Variants in ERC1 observed in about 807,000 individuals in gnomAD.
The protein encoded by ERC1 is RAB6 interacting protein 2.
Under a neutral mutation model 132.0 loss-of-function variants are expected in ERC1, and 56 were observed. The ratio of observed to expected loss-of-function variants is 0.42; its 90% CI spans 0.34 to 0.53. ERC1 has a LOEUF of 0.53. Ranked by LOEUF, ERC1 falls within the 20% of genes least tolerant of loss-of-function variation. The probability of loss-of-function intolerance (pLI) is 0.03; values close to 1 mark genes in which losing one functional copy is unlikely to be tolerated. For synonymous variants in ERC1, 478 were observed against 476.1 expected, an observed-to-expected ratio of 1.00 and a Z score of -0.05; for missense variants, 1,202 against 1,349.9, an observed-to-expected ratio of 0.89 and a Z score of 1.72.
At chr12:1,001,011 C>G (rs1408017411) in intron 1 of ERC1, among the ~76,000 whole-genome samples, 1 of 152,114 alleles carries the variant, frequency 6.6e-6, no homozygotes, top group Non-Finnish European at 1.5e-5. Context: ...TCAAGCGATT[C>G]TCCTGCCTCA....
intron 2 of ERC1, among the ~76,000 whole-genome samples, chr12:1,043,810 T>C (rs1970660028): frequency 6.8e-6 from 1 of 147,326 alleles, no homozygotes; most frequent in South Asian, 2.2e-4. Flanking sequence ...TTTGCCATTT[T>C]GGAAAAGCAC....
intron 8 of ERC1, among the ~76,000 whole-genome samples, chr12:1,148,960 C>T (rs1461575752): frequency 6.6e-6 from 1 of 152,126 alleles, no homozygotes; most frequent in Non-Finnish European, 1.5e-5. Context: ...TTAGATCCTT[C>T]CCATTCTGTG....
At chr12:1,167,067 A>G (rs1055991064) in intron 8 of ERC1, among the ~76,000 whole-genome samples, 1 of 152,132 alleles carries the variant, frequency 6.6e-6, no homozygotes, top group African/African-American at 2.4e-5. Flanking sequence ...AGAGTCTTGC[A>G]AGTTCTAGTT....
intron 8 of ERC1, among the ~76,000 whole-genome samples, chr12:1,148,731 A>G (rs1331461470): frequency 6.6e-6 from 1 of 152,120 alleles, no homozygotes; most frequent in Non-Finnish European, 1.5e-5. Flanking sequence ...CCTCCTGAGC[A>G]GCTGGGATTA....
intron 8 of ERC1, among the ~76,000 whole-genome samples, chr12:1,146,308 G>GTTTTTTTTTTTTTTTTTTTTTTTTT (rs1172108036): frequency 3.1e-5 from 1 of 31,812 alleles, no homozygotes; most frequent in African/African-American, 1.2e-4. Context: ...TATTTTACTG[G>GTTTTTTTTTTTTTTTTTTTTTTTTT]TTTTTTTTTT....
chr12:1,438,972 A>ATATATATAT (rs1246217572), intron 17 of ERC1, among the ~76,000 whole-genome samples: 100 of 143,988 alleles, frequency 6.9e-4, no homozygotes, highest in Non-Finnish European at 1.0e-3. Context: ...TATATATATA[A>ATATATATAT]AAAATGACAT....
chr12:1,389,877 G>T (rs1472429582), intron 16 of ERC1, among the ~76,000 whole-genome samples: 1 of 152,120 alleles, frequency 6.6e-6, no homozygotes. Context: ...TTTGCATTCA[G>T]TCTCTAAGCA....
intron 1 of ERC1, among the ~76,000 whole-genome samples, chr12:1,010,880 C>T (rs1035029624): frequency 1.3e-5 from 2 of 152,040 alleles, no homozygotes; most frequent in Admixed American, 6.6e-5. Context: ...TGTGCCATTC[C>T]ACCCGTTTCT....
chr12:1,475,512 C>A (rs188451601), intron 18 of ERC1, among the ~76,000 whole-genome samples: 1 of 151,930 alleles, frequency 6.6e-6, no homozygotes, highest in Non-Finnish European at 1.5e-5. Context: ...GGGGCTCAAC[C>A]GTGAAGGATA....
intron 18 of ERC1, among the ~76,000 whole-genome samples, chr12:1,466,652 G>A (rs965425725): frequency 9.9e-5 from 15 of 152,156 alleles, no homozygotes; most frequent in African/African-American, 3.1e-4. Context: ...AGGTCCTGGC[G>A]AATCTGTTAT....
rs899612575 is a variant in ERC1, at chr12:1,071,080, A to G, written c.670-12084A>G. The stretch of plus-strand genomic sequence containing the variant: ...CACTCCATTGTGTGAATGTGGTACT[A>G]TCAGTTTATCCAATCTTCTGTTGAT... On this transcript the variant is annotated intron_variant, in intron 2 of 18. Transcript: ENST00000360905. Among the ~76,000 whole-genome samples the G allele has an allele frequency of 9.2e-5, 14 of 152,186 alleles. 1 individual carries two copies. The highest frequency in any genetic ancestry group is 8.5e-4 in the Admixed American group (13 of 15,278).
At chr12:1,300,982 A>G (rs952073025) in intron 15 of ERC1, among the ~76,000 whole-genome samples, 1 of 152,162 alleles carries the variant, frequency 6.6e-6, no homozygotes, top group Non-Finnish European at 1.5e-5. Flanking sequence ...GTTCTATCAT[A>G]TATACATCAT....
Position 1,186,217 on chromosome 12 carries a change from T to C in ERC1, c.2157+2796T>C, listed in dbSNP as rs76846275. On this transcript the variant is annotated intron_variant, in intron 11 of 18. Coordinates refer to ENST00000360905, the MANE Select transcript of ERC1 (RefSeq NM_178040.4). ...CCATTTTAAGGGACTAAATATGTTT[T>C]GTTGCTTATTGAATAAGGAAAAAAA... Among the ~76,000 whole-genome samples the C allele has an allele frequency of 3.1e-3, 473 of 152,366 alleles. 5 individuals are homozygous for C. Among genetic ancestry groups the C allele is most frequent in the African/African-American group, 0.011 (452 of 41,590 alleles).
chr12:1,394,030 AAAAC>A (rs1171269696), intron 16 of ERC1, among the ~76,000 whole-genome samples: 19 of 119,722 alleles, frequency 1.6e-4, no homozygotes, highest in Non-Finnish European at 2.8e-4. Context: ...AAAAAAAAAA[AAAAC>A]AAAAAAAAAA....
intron 8 of ERC1, among the ~76,000 whole-genome samples, chr12:1,156,007 A>G (rs1314278581): frequency 6.6e-6 from 1 of 152,104 alleles, no homozygotes; most frequent in Admixed American, 6.5e-5. Context: ...GCCGTTTCAT[A>G]AAGTTTCTAT....
chr12:1,263,015 G>C lies in ERC1; in HGVS notation c.2488-19G>C. On this transcript the variant is annotated intron_variant, in intron 13 of 18. Coordinates refer to ENST00000360905, the MANE Select transcript of ERC1 (RefSeq NM_178040.4). ...TTAAGTAATTAATCCACTTCACCTAGTCTTCCATCATTTTCTAGGACAGTC... is the reference window on the plus strand; with the variant it reads ...TTAAGTAATTAATCCACTTCACCTACTCTTCCATCATTTTCTAGGACAGTC... 3.1e-6 allele frequency: 5 copies of C among 1,612,886 alleles called. No individual in the cohort carries two copies. Among genetic ancestry groups the C allele is most frequent in the Non-Finnish European group, 3.4e-6 (4 of 1,179,376 alleles).
chr12:1,016,707 C>T (rs187422091), intron 1 of ERC1, among the ~76,000 whole-genome samples: 2 of 132,942 alleles, frequency 1.5e-5, no homozygotes, highest in African/African-American at 5.8e-5. Flanking sequence ...TGCAGTGGTG[C>T]GATCTCGATC....
intron 12 of ERC1, among the ~76,000 whole-genome samples, chr12:1,216,607 A>AGGAGGGAAGGGGGGCGGGGG (rs1958435599): frequency 3.6e-5 from 1 of 27,400 alleles, no homozygotes; most frequent in Admixed American, 5.9e-4. Flanking sequence ...GGGGTCGGGG[A>AGGAGGGAAGGGGGGCGGGGG]GGAGGGATGG....
intron 1 of ERC1, among the ~76,000 whole-genome samples, chr12:1,016,448 TGC>T (rs1426868993): frequency 2.6e-5 from 4 of 152,216 alleles, no homozygotes; most frequent in Non-Finnish European, 5.9e-5. Flanking sequence ...TGTCTGCAGT[TGC>T]ATGTTATGCT....
Sources: allele counts gnomAD v4.1 joint callset (sites outside exome capture counted in the v4.1 genomes callset), GRCh38; gene constraint gnomAD v4.1.1; transcripts MANE v1.5; gene names NCBI Gene and HGNC (gene_info 2026-07-23, HGNC 2026-07-21).